The following NCKAP1 variants were observed in gnomAD, a reference collection of about 807,000 sequenced individuals.
The protein encoded by NCKAP1 is nck-associated protein 1.
A neutral mutation model predicts 151.2 loss-of-function variants in NCKAP1; 21 were observed. That is an observed-to-expected ratio of 0.14 (90% CI 0.10 to 0.20). The LOEUF (loss-of-function observed/expected upper bound fraction) is 0.20, where lower values mean the gene tolerates loss of function less well. NCKAP1 is among the 10% of genes least tolerant of loss of function. NCKAP1 has a pLI of 1.00. For missense variants in NCKAP1, 933 were observed against 1,352.1 expected (o/e 0.69, Z 4.86); for synonymous variants, 484 against 451.8 (o/e 1.07, Z -0.90).
intron 2 of NCKAP1, among the ~76,000 whole-genome samples, chr2:183,018,368 T>G (rs1222114735): frequency 1.3e-5 from 2 of 152,154 alleles, no homozygotes; most frequent in African/African-American, 4.8e-5. Context: ...CCAGAGTCCA[T>G]CCTCTTAACC....
Position 182,921,127 on chromosome 2 carries a change from C to T in NCKAP1, c.*4575G>A, listed in dbSNP as rs1446718196. ...AATTTGGTTGCAACCTCGTAAGTTG[C>T]TTCCTGTTCTATAATTTAAAATAAC... On this transcript the variant is annotated 3_prime_UTR_variant, in exon 31 of 31. Transcript: ENST00000361354. 6.6e-6 allele frequency: 1 copy of T among 151,480 alleles called. No individual in the cohort carries two copies. The highest frequency in any genetic ancestry group is 6.6e-5 in the Admixed American group (1 of 15,260). The allele number at this position is 151,480 out of a possible 1,614,324, so 9.4% of individuals were successfully genotyped here. A position where few individuals can be genotyped will look rare whatever the true frequency, so the allele number is the denominator to read the frequency against.
Position 182,910,958 on chromosome 2 carries a change from C to G in NCKAP1, c.*14744G>C, listed in dbSNP as rs890293680. 4.7e-5 allele frequency: 7 copies of G among 148,006 alleles called. No individual in the cohort carries two copies. The highest frequency in any genetic ancestry group is 7.4e-5 in the African/African-American group (3 of 40,496). 9.2% of individuals were successfully genotyped at this position (148,006 alleles called of 1,614,324 possible). On this transcript the variant is annotated 3_prime_UTR_variant, in exon 31 of 31. Transcript: ENST00000361354. ...AAAATAAAATCCTAAGCTCCCCCCC[C>G]ACATTTGACTAAACAGACCCTCTCC...
chr2:183,032,875 C>T (rs924922342), intron 1 of NCKAP1, among the ~76,000 whole-genome samples: 2 of 151,908 alleles, frequency 1.3e-5, no homozygotes, highest in East Asian at 1.9e-4. Flanking sequence ...GGTGAAACCC[C>T]AACTCTATCA....
intron 8 of NCKAP1, among the ~76,000 whole-genome samples, chr2:182,990,328 G>T (rs1374644193): frequency 6.6e-6 from 1 of 151,850 alleles, no homozygotes; most frequent in Non-Finnish European, 1.5e-5. Context: ...ATGAGCAACT[G>T]CACCTGGTCC....
intron 22 of NCKAP1, 140 bp downstream of exon 22, chr2:182,952,653 G>T: frequency 1.8e-6 from 2 of 1,139,878 alleles, no homozygotes; most frequent in Non-Finnish European, 1.2e-6. Flanking sequence ...AAATGCAAAA[G>T]TAATTCTAAG....
At position 182,995,056 on chromosome 2, in the gene NCKAP1, C is replaced by T. The variant is rs1053802396; in HGVS notation, c.742-169G>A. On this transcript the variant is annotated intron_variant, in intron 7 of 30. Transcript: ENST00000361354. ...AAAAGTTTTATTACCTATACTGAAA[C>T]TTGCAGTCAATAAACAACGAGAGGT... is the stretch of plus-strand genomic sequence containing the variant. Among the ~76,000 whole-genome samples, 11 of 152,168 alleles carry T rather than the reference C, an allele frequency of 7.2e-5. 1 individual carries two copies. Among genetic ancestry groups the T allele is most frequent in the Non-Finnish European group, 5.9e-5 (4 of 68,042 alleles).
At chr2:183,026,793 T>TA (rs1212460533) in intron 1 of NCKAP1, among the ~76,000 whole-genome samples, 4 of 152,206 alleles carry the variant, frequency 2.6e-5, no homozygotes, top group African/African-American at 9.6e-5. Context: ...AGAAGAGAGA[T>TA]AAAGAAACCA....
rs926003002 is a variant in NCKAP1, at chr2:182,910,618, C to G, written c.*15084G>C. 6.6e-6 allele frequency: 1 copy of G among 152,286 alleles called. No homozygotes were observed. The highest frequency in any genetic ancestry group is 1.5e-5 in the Non-Finnish European group (1 of 68,086). The allele number at this position is 152,286 out of a possible 1,614,324, so 9.4% of individuals were successfully genotyped here. A position where few individuals can be genotyped will look rare whatever the true frequency, so the allele number is the denominator to read the frequency against. ...GTGAGGGCTGCGGCTGTGCTCTGCA[C>G]TTCTGTGTACGTCGAACAAGACAAT... On this transcript the variant is annotated 3_prime_UTR_variant, in exon 31 of 31. Transcript: ENST00000361354.
At position 182,976,813 on chromosome 2, in the gene NCKAP1, T is replaced by A. The variant is rs559858869; in HGVS notation, c.1482+80A>T. The A allele has an allele frequency of 1.3e-3, 1,106 of 836,334 alleles. 15 individuals are homozygous for A. The African/African-American group carries it at 0.018, about 13-fold the overall frequency. 51.8% of individuals were successfully genotyped at this position (836,334 alleles called of 1,614,324 possible). ...AATATTTTCAATAGGTATATAACAA[T>A]GAATATTTTATAGTTGTTATAAAAT... On this transcript the variant is annotated intron_variant, in intron 15 of 30. Transcript: ENST00000361354.
In NCKAP1 at chr2:182,995,823, G is replaced by C. The variant is rs1162394101; in HGVS notation, c.619C>G (p.Leu207Val). 6.2e-7 allele frequency: 1 copy of C among 1,611,066 alleles called. No homozygotes were observed. The highest frequency in any genetic ancestry group is 1.3e-5 in the African/African-American group (1 of 74,966). The change falls in exon 7 of 31, where the codon CTA (leucine) becomes GTA (valine). Residue 207 changes from leucine (L) to valine (V), a missense_variant. By Grantham distance (32) the Leu-to-Val change is conservative. Transcript: ENST00000361354. ...GGATATACCATTTGAAGAGAAATTA[G>C]TGCATCTGAAAGAGACTAATTAAAA... ...VPHSKSLSDA[L>V]ISLQMVYPRR...
At position 182,962,166 on chromosome 2, in the gene NCKAP1, C is replaced by G; in HGVS notation, c.1874G>C (p.Ser625Thr). 1 of 1,597,144 alleles carries G rather than the reference C, an allele frequency of 6.3e-7. No individual in the cohort carries two copies. Among genetic ancestry groups the G allele is most frequent in the Non-Finnish European group, 8.5e-7 (1 of 1,171,768 alleles). ...AAACACTTAAATCATTACCTGGTCA[C>G]TAAGGGTACACTGTTCTGTGCAAAT... Reference protein sequence around the residue: ...TDICTEQCTLSDQLLPKHCAK... With the variant: ...TDICTEQCTLTDQLLPKHCAK... Residue 625 changes from serine to threonine, a missense_variant, in exon 18 of 31, where the codon AGT (serine) becomes ACT (threonine). Transcript: ENST00000361354.
chr2:183,019,630 A>G (rs1334660963), intron 2 of NCKAP1, among the ~76,000 whole-genome samples: 3 of 152,234 alleles, frequency 2.0e-5, no homozygotes, highest in African/African-American at 7.2e-5. Context: ...TTTCAGCTCA[A>G]AAATACTTGG....
intron 24 of NCKAP1, 81 bp downstream of exon 24, chr2:182,941,987 TTA>T (rs1390104098): frequency 9.1e-7 from 1 of 1,100,648 alleles, no homozygotes; most frequent in Non-Finnish European, 1.3e-6. Context: ...CTACTTGTAT[TTA>T]TGTTACAAAT....
At chr2:183,036,234 T>C (rs1214813173) in intron 1 of NCKAP1, among the ~76,000 whole-genome samples, 1 of 152,216 alleles carries the variant, frequency 6.6e-6, no homozygotes, top group Non-Finnish European at 1.5e-5. Flanking sequence ...TAAAGTTTGA[T>C]TGCATTTATC....
intron 20 of NCKAP1, among the ~76,000 whole-genome samples, chr2:182,954,184 C>T (rs904789334): frequency 4.6e-5 from 7 of 152,150 alleles, no homozygotes; most frequent in African/African-American, 1.7e-4. Flanking sequence ...TTAGTGCTGC[C>T]TCTAAACAAA....
At chr2:182,960,919 A>C (rs964766687) in intron 18 of NCKAP1, among the ~76,000 whole-genome samples, 4 of 152,236 alleles carry the variant, frequency 2.6e-5, no homozygotes, top group African/African-American at 9.6e-5. Flanking sequence ...AAGTGGCTGA[A>C]GGATATAAAC....
intron 20 of NCKAP1, among the ~76,000 whole-genome samples, chr2:182,955,287 A>C (rs898801486): frequency 6.6e-6 from 1 of 152,190 alleles, no homozygotes; most frequent in African/African-American, 2.4e-5. Flanking sequence ...GCAAATACAA[A>C]CACCACCTGT....
Position 182,986,054 on chromosome 2 carries a change from G to A in NCKAP1, c.1004+117C>T, listed in dbSNP as rs1204893794. 34 of 864,866 alleles carry A rather than the reference G, an allele frequency of 3.9e-5. No individual in the cohort carries two copies. In the Admixed American group the frequency reaches 8.7e-4, roughly 22 times the overall value. The allele number at this position is 864,866 out of a possible 1,614,324, so 53.6% of individuals were successfully genotyped here. On this transcript the variant is annotated intron_variant, in intron 10 of 30. Coordinates refer to ENST00000361354, the MANE Select transcript of NCKAP1 (RefSeq NM_013436.5). ...ACTTAATAATTCTCATTGACTGAAA[G>A]TCCCCCTCTTCTACTACCATATCTT... is the stretch of plus-strand genomic sequence containing the variant.
chr2:183,011,466 C>A (rs1358298321), intron 2 of NCKAP1, among the ~76,000 whole-genome samples: 1 of 152,182 alleles, frequency 6.6e-6, no homozygotes, highest in Non-Finnish European at 1.5e-5. Flanking sequence ...AAGCCCTAGG[C>A]AACTACTGAT....
Sources: allele counts gnomAD v4.1 joint callset (sites outside exome capture counted in the v4.1 genomes callset), GRCh38; gene constraint gnomAD v4.1.1; transcripts MANE v1.5; gene names NCBI Gene and HGNC (gene_info 2026-07-23, HGNC 2026-07-21).